The following TDRD12 variants were observed in gnomAD, a reference collection of about 807,000 sequenced individuals.
TDRD12 encodes the protein tudor domain containing 12.
A neutral mutation model predicts 133.5 loss-of-function variants in TDRD12; 158 were observed. That is an observed-to-expected ratio of 1.18 (90% CI 1.04 to 1.35). TDRD12 has a LOEUF of 1.35. TDRD12 is among the 40% of genes most tolerant of loss of function. The pLI is 0.00. For missense variants in TDRD12, 1,443 were observed against 1,321.3 expected (o/e 1.09, Z -1.43); for synonymous variants, 460 against 477.9 (o/e 0.96, Z 0.49).
intron 24 of TDRD12, among the ~76,000 whole-genome samples, chr19:32,812,627 C>G (rs1967045874): frequency 1.3e-5 from 2 of 152,196 alleles, no homozygotes; most frequent in South Asian, 4.1e-4. Flanking sequence ...ATGTAGCCGT[C>G]AGCAAGAATG....
downstream of TDRD12, among the ~76,000 whole-genome samples, chr19:32,825,738 G>A (rs1056716433): frequency 2.6e-5 from 4 of 152,080 alleles, no homozygotes; most frequent in East Asian, 1.9e-4. The surrounding 1 kb of genome is among the most constrained non-coding windows in gnomAD (Gnocchi z 4.1). Context: ...AATATTAGCC[G>A]AGTGTGGTGG....
At chr19:32,796,101 C>T (rs1438043082) in intron 14 of TDRD12, 3 of 966,454 alleles carry the variant, frequency 3.1e-6, no homozygotes, top group Admixed American at 1.2e-4. Context: ...AGGGCATGGC[C>T]CTGTGCTGCT....
At chr19:32,751,628 G>GA (rs1969830849) in intron 6 of TDRD12, among the ~76,000 whole-genome samples, 1 of 139,706 alleles carries the variant, frequency 7.2e-6, no homozygotes, top group Non-Finnish European at 1.5e-5. Context: ...CTCCTAGGTT[G>GA]GAGTACAGCG....
At chr19:32,742,436 C>T (rs1016614025) in intron 3 of TDRD12, among the ~76,000 whole-genome samples, 3 of 152,162 alleles carry the variant, frequency 2.0e-5, no homozygotes, top group Admixed American at 6.5e-5. Context: ...GCTGGGATTA[C>T]AGGTGTGAAC....
Position 32,818,117 on chromosome 19 carries a change from C to T in TDRD12, c.3343C>T (p.Gln1115Ter), listed in dbSNP as rs781605427. ...GAGGGTGACAGGGACCAGTCCTGCT[C>T]AAGACCAGGATCATCCATCCGAGGA... The change falls in exon 27 of 28, where the codon CAA becomes TAA. Residue 1115 changes from glutamine to a stop codon, truncating the protein, a stop_gained. Coordinates refer to ENST00000444215, the Ensembl canonical transcript of TDRD12. LOFTEE classifies it low-confidence loss of function (END_TRUNC). 1 of 702,812 alleles carries T rather than the reference C, an allele frequency of 1.4e-6. No homozygotes were observed. The highest frequency in any genetic ancestry group is 1.5e-5 in the South Asian group (1 of 67,578). The allele number at this position is 702,812 out of a possible 1,614,324, so 43.5% of individuals were successfully genotyped here.
chr19:32,794,453 CTT>C (rs1207240417), intron 13 of TDRD12, among the ~76,000 whole-genome samples, 173 bp from the exon 14 acceptor site: 1 of 152,042 alleles, frequency 6.6e-6, no homozygotes, highest in Non-Finnish European at 1.5e-5. Flanking sequence ...AAGCAACAGT[CTT>C]TTAATAGGAG....
intron 8 of TDRD12, 37 bp downstream of exon 8, chr19:32,757,167 A>G: frequency 6.8e-7 from 1 of 1,465,474 alleles, no homozygotes; most frequent in South Asian, 1.2e-5. Context: ...CATAGGCAGC[A>G]TGAAAAAAAT....
chr19:32,750,374 G>A (rs1969787769), intron 6 of TDRD12, among the ~76,000 whole-genome samples: 1 of 152,184 alleles, frequency 6.6e-6, no homozygotes, highest in Non-Finnish European at 1.5e-5. Flanking sequence ...GAGGTGGACA[G>A]AAGGGGCACA....
At chr19:32,800,811 C>A in intron 18 of TDRD12, 39 bp downstream of exon 18, 1 of 1,487,296 alleles carries the variant, frequency 6.7e-7, no homozygotes, top group South Asian at 1.3e-5. Flanking sequence ...CTGTTTGTTT[C>A]AACTGGTCGA....
rs576028438 is a variant in TDRD12, at chr19:32,765,727, G to A, written c.866-7026G>A. ...CACAGGAAGGGGAACATCACACACCGGGGGCCTGTTGTGGGGTGGGGGTCG... is the reference window on the plus strand; with the variant it reads ...CACAGGAAGGGGAACATCACACACCAGGGGCCTGTTGTGGGGTGGGGGTCG... On this transcript the variant is annotated intron_variant, in intron 8 of 27. Coordinates refer to ENST00000444215, the Ensembl canonical transcript of TDRD12. 5.0e-3 allele frequency among the ~76,000 whole-genome samples: 762 copies of A among 151,360 alleles called. 7 individuals carry two copies. Among genetic ancestry groups the A allele is most frequent in the African/African-American group, 0.018 (726 of 41,142 alleles).
chr19:32,759,898 G>A (rs530547000), intron 8 of TDRD12, among the ~76,000 whole-genome samples: 123 of 152,308 alleles, frequency 8.1e-4, no homozygotes, highest in African/African-American at 2.9e-3. Context: ...TACTGAATGG[G>A]CCATCGTGCA....
At chr19:32,744,703 G>A (rs931422016) in intron 4 of TDRD12, among the ~76,000 whole-genome samples, 1 of 152,028 alleles carries the variant, frequency 6.6e-6, no homozygotes, top group Non-Finnish European at 1.5e-5. Flanking sequence ...CATGTCTGCT[G>A]TCTTGAATGA....
At chr19:32,739,904 T>C in intron 3 of TDRD12, among the ~76,000 whole-genome samples, 2 of 141,386 alleles carry the variant, frequency 1.4e-5, no homozygotes, top group South Asian at 2.4e-4. Flanking sequence ...GGGTGCTGTC[T>C]GCATCTCCTG....
intron 1 of TDRD12, among the ~76,000 whole-genome samples, chr19:32,725,368 A>G (rs1310916907): frequency 6.6e-6 from 1 of 151,730 alleles, no homozygotes; most frequent in African/African-American, 2.4e-5. Flanking sequence ...TAAGTCTTTA[A>G]TCTATATTGA....
chr19:32,791,159 G>T, intron 13 of TDRD12, 91 bp downstream of exon 13: 2 of 1,299,146 alleles, frequency 1.5e-6, no homozygotes, highest in Non-Finnish European at 2.0e-6. Flanking sequence ...AGGTTGCATT[G>T]TATAATTTCT....
chr19:32,721,826 G>A (rs2145400141), intron 1 of TDRD12, among the ~76,000 whole-genome samples: 1 of 151,638 alleles, frequency 6.6e-6, no homozygotes, highest in East Asian at 1.9e-4. Context: ...TCCTGCCTCA[G>A]CCTCCCAAGT....
At chr19:32,744,065 T>A (rs1476799541) in intron 4 of TDRD12, among the ~76,000 whole-genome samples, 1 of 151,770 alleles carries the variant, frequency 6.6e-6, no homozygotes, top group Non-Finnish European at 1.5e-5. Context: ...AAACTCTTTG[T>A]CAACATACGT....
intron 27 of TDRD12, among the ~76,000 whole-genome samples, chr19:32,819,483 T>C (rs1435271144): frequency 6.6e-6 from 1 of 152,150 alleles, no homozygotes; most frequent in Non-Finnish European, 1.5e-5. Context: ...GAAATGAAGA[T>C]GTCATTAAAC....
chr19:32,756,573 A>G (rs1228307257), intron 7 of TDRD12, among the ~76,000 whole-genome samples: 1 of 152,124 alleles, frequency 6.6e-6, no homozygotes, highest in Non-Finnish European at 1.5e-5. Flanking sequence ...TATTTTTAGT[A>G]GAGACAGGGT....
Sources: gnomAD v4.1 joint callset for allele counts (sites outside exome capture counted in the v4.1 genomes callset) on GRCh38, gnomAD v4.1.1 for gene constraint, Gnocchi (gnomAD v3.1) non-coding constraint, MANE v1.5 for transcripts, NCBI Gene and HGNC (gene_info 2026-07-23, HGNC 2026-07-21) for gene names.